The following FN3KRP variants were observed in gnomAD, a reference collection of about 807,000 sequenced individuals.
FN3KRP encodes the protein fructosamine 3 kinase related protein, also known as ketosamine-3-kinase.
FN3KRP carries 33 observed loss-of-function variants against 29.8 expected under a neutral mutation model. The observed-to-expected ratio is 1.11, with a 90% CI of 0.84 to 1.48. The LOEUF (loss-of-function observed/expected upper bound fraction) is 1.48, where lower values mean the gene tolerates loss of function less well. FN3KRP is among the 40% of genes most tolerant of loss of function. The probability of loss-of-function intolerance (pLI) is 0.00; values close to 1 mark genes in which losing one functional copy is unlikely to be tolerated. For missense variants in FN3KRP, 430 were observed against 402.6 expected, an observed-to-expected ratio of 1.07 and a Z score of -0.58; for synonymous variants, 157 against 155.2, an observed-to-expected ratio of 1.01 and a Z score of -0.09.
intron 3 of FN3KRP, chr17:82,722,595 C>T (rs2046805783): frequency 1.8e-6 from 1 of 548,772 alleles, no homozygotes; most frequent in South Asian, 2.2e-5. Flanking sequence ...AGGCCACAGG[C>T]TCCTAGTGTT....
intron 2 of FN3KRP, among the ~76,000 whole-genome samples, chr17:82,719,375 A>G (rs1358102534): frequency 6.6e-6 from 1 of 152,244 alleles, no homozygotes; most frequent in Non-Finnish European, 1.5e-5. Flanking sequence ...TCCACATACC[A>G]TGAGTTCTGC....
At chr17:82,723,169 G>A (rs893306064) in intron 4 of FN3KRP, among the ~76,000 whole-genome samples, 1 of 152,042 alleles carries the variant, frequency 6.6e-6, no homozygotes, top group Non-Finnish European at 1.5e-5. Context: ...TCTCAAAGAG[G>A]GTGGAATGAC....
rs1462990338 is a variant in FN3KRP, at chr17:82,726,536, C to T, written c.525C>T (p.Pro175=). The change falls in exon 5 of 6, where the codon CCC becomes CCT. Residue 175 remains proline, a synonymous_variant. Coordinates refer to ENST00000269373, the MANE Select transcript of FN3KRP (RefSeq NM_024619.4). The part of the protein sequence containing the change: ...VVFYARQRIQ[P]QMDMVEKESG... ...TCTATGCCCGGCAGCGCATTCAGCCCCAGATGGACATGGTGGAGAAGGAGT... is the reference window on the plus strand; with the variant it reads ...TCTATGCCCGGCAGCGCATTCAGCCTCAGATGGACATGGTGGAGAAGGAGT... 1.2e-6 allele frequency: 2 copies of T among 1,614,156 alleles called. No homozygotes were observed. Among genetic ancestry groups the T allele is most frequent in the Non-Finnish European group, 1.7e-6 (2 of 1,180,022 alleles).
chr17:82,721,692 C>T (rs926821917), intron 3 of FN3KRP, among the ~76,000 whole-genome samples: 3 of 151,630 alleles, frequency 2.0e-5, no homozygotes, highest in African/African-American at 7.3e-5. Flanking sequence ...TTAGTAGAGA[C>T]AGGGTTTCAC....
chr17:82,722,260 G>A (rs1226796710), intron 3 of FN3KRP, among the ~76,000 whole-genome samples: 1 of 152,030 alleles, frequency 6.6e-6, no homozygotes, highest in East Asian at 1.9e-4. Context: ...TCAACCTCCC[G>A]AGTAGCTGGG....
chr17:82,723,766 C>T (rs1417688675), intron 4 of FN3KRP, among the ~76,000 whole-genome samples: 1 of 151,488 alleles, frequency 6.6e-6, no homozygotes, highest in Non-Finnish European at 1.5e-5. Flanking sequence ...GTCTTGCTTC[C>T]CTCCTGGGTG....
rs1171060309 is a variant in FN3KRP, at chr17:82,722,831, C to T, written c.413C>T (p.Pro138Leu). ...VGRGGGQEER[P>L]FVARFGFDVV... ...AGAGGAGGTGGGCAGGAGGAACGGCCCTTTGTGGCCCGGTTTGGATTTGAC... is the reference window on the plus strand; with the variant it reads ...AGAGGAGGTGGGCAGGAGGAACGGCTCTTTGTGGCCCGGTTTGGATTTGAC... The change falls in exon 4 of 6, where the codon CCC (proline) becomes CTC (leucine). Residue 138 changes from proline to leucine, a missense_variant. Coordinates refer to ENST00000269373, the MANE Select transcript of FN3KRP (RefSeq NM_024619.4). 8 of 1,613,842 alleles carry T rather than the reference C, an allele frequency of 5.0e-6. No homozygotes were observed. The African/African-American group carries it at 8.0e-5, about 16-fold the overall frequency.
In FN3KRP at chr17:82,720,373, T is replaced by C. The variant is rs1249660538; in HGVS notation, c.385+10T>C. On this transcript the variant is annotated intron_variant, in intron 3 of 5. Coordinates refer to ENST00000269373, the MANE Select transcript of FN3KRP (RefSeq NM_024619.4). Reference sequence around the variant, plus strand: ...GAGGCGGGCACAGTGGGTATGGCACTGCGCGGGCCACGGGTGCTCCCGCCT... The same window carrying C: ...GAGGCGGGCACAGTGGGTATGGCACCGCGCGGGCCACGGGTGCTCCCGCCT... The C allele has an allele frequency of 8.7e-6, 14 of 1,608,496 alleles. No individual in the cohort carries two copies. The highest frequency in any genetic ancestry group is 5.0e-5 in the Admixed American group (3 of 59,770).
rs555615326 is a variant in FN3KRP at position 82,722,865 on chromosome 17, G to A, written c.447G>A (p.Thr149=). The change falls in exon 4 of 6, where the codon ACG becomes ACA. Residue 149 remains threonine, a synonymous_variant. Coordinates refer to ENST00000269373, the MANE Select transcript of FN3KRP (RefSeq NM_024619.4). ...CCCGGTTTGGATTTGACGTGGTGAC[G>A]TGCTGTGGATACCTCCCCCAGGTGA... ...FVARFGFDVV[T]CCGYLPQVND... is the part of the protein sequence containing the mutation. The A allele has an allele frequency of 2.1e-5, 34 of 1,614,004 alleles. No homozygotes were observed. The East Asian group carries it at 4.0e-4, about 19-fold the overall frequency.
intron 4 of FN3KRP, among the ~76,000 whole-genome samples, chr17:82,723,408 C>T (rs1200876442): frequency 1.3e-5 from 2 of 149,994 alleles, no homozygotes; most frequent in African/African-American, 2.4e-5. Context: ...TGCTTAGGGG[C>T]GGGGAGTGGT....
At chr17:82,724,138 C>CA (rs772950614) in intron 4 of FN3KRP, among the ~76,000 whole-genome samples, 2 of 150,432 alleles carry the variant, frequency 1.3e-5, no homozygotes, top group African/African-American at 2.5e-5. Flanking sequence ...AGTAAAAATA[C>CA]AAAAAATTAG....
At chr17:82,720,424 G>T (rs2046790819) in intron 3 of FN3KRP, 61 bp downstream of exon 3, 1 of 1,390,770 alleles carries the variant, frequency 7.2e-7, no homozygotes, top group Non-Finnish European at 1.0e-6. Context: ...GCCGGTGTGG[G>T]CTCAGAGCGG....
At chr17:82,722,204 G>A (rs372576148) in intron 3 of FN3KRP, among the ~76,000 whole-genome samples, 2 of 140,594 alleles carry the variant, frequency 1.4e-5, no homozygotes, top group African/African-American at 2.7e-5. Flanking sequence ...GAGCGATCTC[G>A]GCTCACTGCA....
Position 82,720,273 on chromosome 17 carries a change from C to G in FN3KRP, c.295C>G (p.His99Asp). The change falls in exon 3 of 6, where the codon CAT becomes GAT. Residue 99 changes from histidine to aspartate, a missense_variant and splice_region_variant. Physicochemically the swap from His to Asp is moderately conservative, Grantham distance 81. Transcript: ENST00000269373. ...AGTTGCTGTCGTTTGATTTGACAGT[C>G]ATGCTGCAAAGCTTGGAGCCCAGCT... ...EHMDMRHLSS[H>D]AAKLGAQLAD... is the part of the protein sequence containing the mutation. 6.2e-7 allele frequency: 1 copy of G among 1,613,556 alleles called. No individual in the cohort carries two copies. The highest frequency in any genetic ancestry group is 8.5e-7 in the Non-Finnish European group (1 of 1,179,576).
rs146553132 is a variant in FN3KRP at position 82,725,260 on chromosome 17, C to T, written c.469-1220C>T. 3.8e-3 allele frequency among the ~76,000 whole-genome samples: 577 copies of T among 152,158 alleles called. 2 individuals are homozygous for T. The highest frequency in any genetic ancestry group is 6.9e-3 in the Non-Finnish European group (466 of 68,004). On this transcript the variant is annotated intron_variant, in intron 4 of 5. Transcript: ENST00000269373. ...CCTCCTGCCCCAGCCTCCCATGTAG[C>T]TGGGACTACAGGCATACACCACCAC...
Position 82,727,522 on chromosome 17 carries a change from GGGCACTGCTGCTCATAGGTACCTTTCCA to G in FN3KRP, c.*352_*379del. 1 of 212,902 alleles carries G rather than the reference GGGCACTGCTGCTCATAGGTACCTTTCCA, an allele frequency of 4.7e-6. No homozygotes were observed. The highest frequency in any genetic ancestry group is 9.5e-6 in the Non-Finnish European group (1 of 105,610). The allele number at this position is 212,902 out of a possible 1,614,324, so 13.2% of individuals were successfully genotyped here. A position where few individuals can be genotyped will look rare whatever the true frequency, so the allele number is the denominator to read the frequency against. ...GCGCAGGGAGGTGGCCAGCGCCCCC[GGGCACTGCTGCTCATAGGTACCTTTCCA>G]CTGCCTCCTCCCTGCTCTCCTGTGC... On this transcript the variant is annotated 3_prime_UTR_variant, in exon 6 of 6. Transcript: ENST00000269373.
At chr17:82,726,412 T>G (rs2046837296) in intron 4 of FN3KRP, 68 bp from the exon 5 acceptor site, 1 of 1,565,008 alleles carries the variant, frequency 6.4e-7, no homozygotes, top group African/African-American at 1.4e-5. Flanking sequence ...GAGATGCTTG[T>G]GGGTAGCTGA....
chr17:82,720,786 G>A (rs1753281195), intron 3 of FN3KRP: 1 of 154,924 alleles, frequency 6.5e-6, no homozygotes. Flanking sequence ...CAGGATCGAG[G>A]GAATTTTCCG....
In FN3KRP at chr17:82,719,000, C is replaced by G. The variant is rs1397001410; in HGVS notation, c.236C>G (p.Ala79Gly). 3 of 1,614,040 alleles carry G rather than the reference C, an allele frequency of 1.9e-6. No homozygotes were observed. The highest frequency in any genetic ancestry group is 2.5e-6 in the Non-Finnish European group (3 of 1,180,008). ...KVPKPIKVLDAPGGGSVLVME... is the reference protein window; with the variant it reads ...KVPKPIKVLDGPGGGSVLVME... The stretch of plus-strand genomic sequence containing the variant: ...CCCAAGCCCATCAAGGTTCTGGATG[C>G]CCCAGGCGGCGGGAGCGTGCTGGTG... The change falls in exon 2 of 6, where the codon GCC becomes GGC. Residue 79 changes from alanine to glycine, a missense_variant. Physicochemically the swap from Ala to Gly is moderately conservative, Grantham distance 60. Coordinates refer to ENST00000269373, the MANE Select transcript of FN3KRP (RefSeq NM_024619.4).
Sources: gnomAD v4.1 joint callset for allele counts (sites outside exome capture counted in the v4.1 genomes callset) on GRCh38, gnomAD v4.1.1 for gene constraint, MANE v1.5 for transcripts, NCBI Gene and HGNC (gene_info 2026-07-23, HGNC 2026-07-21) for gene names.